SLC15A5: variants seen among roughly 807,000 people sequenced by gnomAD.
The protein encoded by SLC15A5 is Peptide/histidine transporter ENSP00000340402.
A neutral mutation model predicts 56.1 loss-of-function variants in SLC15A5; 58 were observed. The ratio of observed to expected loss-of-function variants is 1.03; its 90% CI spans 0.84 to 1.29. SLC15A5 has a LOEUF of 1.29. SLC15A5 is among the 50% of genes most tolerant of loss of function. The pLI is 0.00. For synonymous variants in SLC15A5, 264 were observed against 250.5 expected (o/e 1.05, Z -0.51); for missense variants, 681 against 672.1 (o/e 1.01, Z -0.15).
intron 2 of SLC15A5, among the ~76,000 whole-genome samples, chr12:16,259,738 C>T (rs1474965895): frequency 6.6e-6 from 1 of 152,132 alleles, no homozygotes; most frequent in South Asian, 2.1e-4. Flanking sequence ...TTTCCTCCAT[C>T]ACACAGGAGA....
intron 3 of SLC15A5, among the ~76,000 whole-genome samples, chr12:16,252,262 G>A (rs757173590): frequency 6.6e-6 from 1 of 151,994 alleles, no homozygotes; most frequent in Non-Finnish European, 1.5e-5. Flanking sequence ...AGGCAAAGAT[G>A]CCCACTCTTG....
intron 7 of SLC15A5, among the ~76,000 whole-genome samples, chr12:16,209,019 CT>C (rs34238331): frequency 0.35 from 49,161 of 140,890 alleles, 8,863 homozygotes; most frequent in Middle Eastern, 0.41. Flanking sequence ...AACATGATGC[CT>C]TTTTTTTTTT....
chr12:16,241,029 G>A (rs529332039), intron 4 of SLC15A5, among the ~76,000 whole-genome samples: 1 of 152,190 alleles, frequency 6.6e-6, no homozygotes, highest in South Asian at 2.1e-4. Flanking sequence ...TAGTCAGGAT[G>A]GTCTCGATCT....
intron 6 of SLC15A5, 25 bp from the exon 7 acceptor site, chr12:16,217,049 T>G (rs1274656261): frequency 2.6e-6 from 4 of 1,517,740 alleles, no homozygotes; most frequent in Non-Finnish European, 3.5e-6. Context: ...GAGGTCAGAA[T>G]TTAGAACTTT....
At chr12:16,232,417 A>G (rs908910643) in intron 5 of SLC15A5, among the ~76,000 whole-genome samples, 7 of 152,162 alleles carry the variant, frequency 4.6e-5, no homozygotes, top group African/African-American at 1.7e-4. Flanking sequence ...TTCAAAAGGA[A>G]ATACAAAGAA....
chr12:16,228,047 G>A (rs1864260316), intron 5 of SLC15A5, among the ~76,000 whole-genome samples: 2 of 152,176 alleles, frequency 1.3e-5, no homozygotes, highest in South Asian at 4.1e-4. Context: ...CCAGGTGACT[G>A]GAAAGATGGC....
intron 7 of SLC15A5, among the ~76,000 whole-genome samples, chr12:16,205,754 A>G (rs571823347): frequency 6.6e-6 from 1 of 151,960 alleles, no homozygotes; most frequent in African/African-American, 2.4e-5. Flanking sequence ...GCAATAGCAT[A>G]TTGCTTTTGA....
At chr12:16,276,610 A>G (rs979909362) in intron 1 of SLC15A5, among the ~76,000 whole-genome samples, 4 of 152,016 alleles carry the variant, frequency 2.6e-5, no homozygotes, top group Non-Finnish European at 5.9e-5. Context: ...TGATATTTTC[A>G]GAGACTTCTT....
intron 5 of SLC15A5, among the ~76,000 whole-genome samples, chr12:16,231,774 A>G (rs879675917): frequency 6.6e-6 from 1 of 152,232 alleles, no homozygotes; most frequent in Non-Finnish European, 1.5e-5. Context: ...GGTAAAAACT[A>G]AGATTTTGAA....
chr12:16,209,259 TATAC>T (rs1864055072), intron 7 of SLC15A5, among the ~76,000 whole-genome samples: 1 of 152,112 alleles, frequency 6.6e-6, no homozygotes, highest in African/African-American at 2.4e-5. Flanking sequence ...CATATACATA[TATAC>T]ATACATATAC....
At chr12:16,216,520 A>G (rs761733706) in intron 7 of SLC15A5, among the ~76,000 whole-genome samples, 4 of 152,186 alleles carry the variant, frequency 2.6e-5, no homozygotes, top group Non-Finnish European at 4.4e-5. Flanking sequence ...AGAAAAAAAG[A>G]TCATTCAGGT....
At chr12:16,248,983 A>T (rs923876539) in intron 3 of SLC15A5, among the ~76,000 whole-genome samples, 6 of 152,070 alleles carry the variant, frequency 3.9e-5, no homozygotes, top group South Asian at 2.1e-4. Context: ...ACTATTTTTT[A>T]AAAAACTTTT....
intron 4 of SLC15A5, among the ~76,000 whole-genome samples, chr12:16,241,006 G>A (rs1397280350): frequency 6.6e-6 from 1 of 151,996 alleles, no homozygotes; most frequent in Non-Finnish European, 1.5e-5. Context: ...GTAGAGATGA[G>A]GTTTCACCGT....
intron 5 of SLC15A5, among the ~76,000 whole-genome samples, chr12:16,230,325 C>A (rs1426152810): frequency 6.6e-6 from 1 of 151,962 alleles, no homozygotes; most frequent in Non-Finnish European, 1.5e-5. Context: ...TTTCAACAAC[C>A]CACTGTTGAT....
chr12:16,259,766 G>A (rs547997777), intron 2 of SLC15A5, among the ~76,000 whole-genome samples: 141 of 152,228 alleles, frequency 9.3e-4, no homozygotes, highest in African/African-American at 2.9e-3. Flanking sequence ...AAAGTAAGCT[G>A]GGGGGATGGG....
At chr12:16,209,199 A>C (rs7971077) in intron 7 of SLC15A5, among the ~76,000 whole-genome samples, 80,048 of 149,282 alleles carry the variant, frequency 0.54, 21,526 homozygotes, top group South Asian at 0.74. Flanking sequence ...ATTTACCATT[A>C]TCTGCTTGAA....
At chr12:16,201,242 A>G (rs916270291) in intron 7 of SLC15A5, among the ~76,000 whole-genome samples, 2 of 152,180 alleles carry the variant, frequency 1.3e-5, no homozygotes, top group East Asian at 1.9e-4. Context: ...AGAAAAAGCA[A>G]TCCTAAAATT....
chr12:16,209,682 C>T (rs1864060381), intron 7 of SLC15A5, among the ~76,000 whole-genome samples: 1 of 152,140 alleles, frequency 6.6e-6, no homozygotes, highest in Non-Finnish European at 1.5e-5. Flanking sequence ...CCTGACACTA[C>T]CTCCTCCCTC....
At chr12:16,254,642 G>T (rs538341688) in intron 3 of SLC15A5, among the ~76,000 whole-genome samples, 90 of 152,184 alleles carry the variant, frequency 5.9e-4, no homozygotes, top group Non-Finnish European at 1.1e-3. Flanking sequence ...TGTGAGTAGT[G>T]CTGCAATAAA....
Sources: allele counts gnomAD v4.1 joint callset (sites outside exome capture counted in the v4.1 genomes callset), GRCh38; gene constraint gnomAD v4.1.1; transcripts MANE v1.5; gene names NCBI Gene and HGNC (gene_info 2026-07-23, HGNC 2026-07-21).